Variants in PDLIM5 observed in about 807,000 individuals in gnomAD.
PDLIM5 encodes PDZ and LIM domain 5, also known as PDZ and LIM domain protein 5.
In PDLIM5, 34 loss-of-function variants were observed where a neutral mutation model predicts 64.2. The observed-to-expected ratio is 0.53, with a 90% confidence interval of 0.40 to 0.71. The LOEUF (loss-of-function observed/expected upper bound fraction) is 0.71. Ranked by LOEUF, PDLIM5 falls within the 30% of genes least tolerant of loss-of-function variation. The pLI is 0.00. For synonymous variants in PDLIM5, 253 were observed against 269.1 expected (o/e 0.94, Z 0.59); for missense variants, 683 against 733.6 (o/e 0.93, Z 0.80).
intron 2 of PDLIM5, among the ~76,000 whole-genome samples, chr4:94,465,602 G>T (rs888450747): frequency 6.6e-6 from 1 of 151,942 alleles, no homozygotes; most frequent in Non-Finnish European, 1.5e-5. Context: ...GTAGAGACGG[G>T]GTTTCACCAT....
intron 9 of PDLIM5, among the ~76,000 whole-genome samples, chr4:94,644,583 T>TG (rs1741257165): frequency 6.6e-6 from 1 of 151,560 alleles, no homozygotes; most frequent in Non-Finnish European, 1.5e-5. Context: ...TGGAGTGCAG[T>TG]GGTGCGATCT....
chr4:94,660,086 C>T (rs1209618722), intron 11 of PDLIM5, among the ~76,000 whole-genome samples: 3 of 151,718 alleles, frequency 2.0e-5, no homozygotes, highest in African/African-American at 4.8e-5. Flanking sequence ...TTAGTGGAGA[C>T]GGGGTTTCAC....
intron 2 of PDLIM5, among the ~76,000 whole-genome samples, chr4:94,497,177 A>G (rs1265492345): frequency 6.6e-6 from 1 of 152,178 alleles, no homozygotes; most frequent in East Asian, 1.9e-4. Flanking sequence ...ATCTATCTCA[A>G]AAGAAGGCAT....
intron 7 of PDLIM5, among the ~76,000 whole-genome samples, chr4:94,603,713 G>A (rs866397336): frequency 4.6e-5 from 7 of 152,134 alleles, no homozygotes; most frequent in African/African-American, 1.7e-4. Context: ...GAGTGTGCTG[G>A]GACTTTTTTC....
At chr4:94,641,288 T>C (rs1740983606) in intron 9 of PDLIM5, among the ~76,000 whole-genome samples, 1 of 152,198 alleles carries the variant, frequency 6.6e-6, no homozygotes, top group African/African-American at 2.4e-5. Context: ...TTGAATAAGG[T>C]TAAAACTTAA....
At chr4:94,533,144 G>A (rs1731042362) in intron 3 of PDLIM5, among the ~76,000 whole-genome samples, 2 of 152,048 alleles carry the variant, frequency 1.3e-5, no homozygotes, top group South Asian at 2.1e-4. Context: ...CAATTCAGTA[G>A]GCCTTAAAGA....
intron 3 of PDLIM5, among the ~76,000 whole-genome samples, chr4:94,527,064 T>TC (rs1306329978): frequency 1.5e-5 from 2 of 131,828 alleles, no homozygotes; most frequent in African/African-American, 3.0e-5. Context: ...TTTTTTTTTT[T>TC]TTTTTTTTTT....
At chr4:94,646,145 TAAG>T (rs1328687166) in intron 9 of PDLIM5, among the ~76,000 whole-genome samples, 1 of 152,168 alleles carries the variant, frequency 6.6e-6, no homozygotes, top group Non-Finnish European at 1.5e-5. Flanking sequence ...TCTTTTTTCT[TAAG>T]AAGGTTACTG....
intron 3 of PDLIM5, 138 bp from the exon 4 acceptor site, chr4:94,573,213 C>T: frequency 1.5e-6 from 1 of 663,998 alleles, no homozygotes; most frequent in South Asian, 2.0e-5. Context: ...ATAGTAAAAA[C>T]TATGAATTAT....
chr4:94,612,126 G>A (rs1482840115), intron 7 of PDLIM5, among the ~76,000 whole-genome samples: 8 of 152,140 alleles, frequency 5.3e-5, no homozygotes, highest in Admixed American at 5.2e-4. Context: ...GCTGAGGCAG[G>A]AGAATCACTT....
chr4:94,511,192 C>T (rs1728839537), intron 2 of PDLIM5, among the ~76,000 whole-genome samples: 1 of 152,198 alleles, frequency 6.6e-6, no homozygotes, highest in South Asian at 2.1e-4. Flanking sequence ...CTAAGGGTTG[C>T]AAGGGCATGG....
At chr4:94,537,126 T>A (rs1443279443) in intron 3 of PDLIM5, among the ~76,000 whole-genome samples, 1 of 152,008 alleles carries the variant, frequency 6.6e-6, no homozygotes, top group African/African-American at 2.4e-5. Context: ...CTTTCATTCA[T>A]TTTTTTTGTT....
At chr4:94,586,724 G>T (rs137896414) in intron 7 of PDLIM5, among the ~76,000 whole-genome samples, 7 of 152,274 alleles carry the variant, frequency 4.6e-5, no homozygotes, top group African/African-American at 1.4e-4. Flanking sequence ...ACATATGTCT[G>T]TGAATGAGCT....
intron 3 of PDLIM5, among the ~76,000 whole-genome samples, chr4:94,559,035 A>G (rs1301763564): frequency 1.3e-5 from 2 of 152,160 alleles, no homozygotes; most frequent in Non-Finnish European, 2.9e-5. Context: ...AAAATATAGG[A>G]TAAGGATTTT....
chr4:94,541,775 C>A (rs529772419), intron 3 of PDLIM5, among the ~76,000 whole-genome samples: 8 of 152,286 alleles, frequency 5.3e-5, no homozygotes, highest in African/African-American at 1.9e-4. Context: ...TGTCATCCAG[C>A]GCCTCCCCTG....
At chr4:94,643,341 A>G (rs573468175) in intron 9 of PDLIM5, among the ~76,000 whole-genome samples, 1 of 152,206 alleles carries the variant, frequency 6.6e-6, no homozygotes, top group Non-Finnish European at 1.5e-5. Flanking sequence ...TAAGTTTGCT[A>G]TGGGACATTT....
At chr4:94,577,307 G>A (rs572301334) in intron 5 of PDLIM5, 6 of 456,550 alleles carry the variant, frequency 1.3e-5, no homozygotes, top group African/African-American at 1.0e-4. Flanking sequence ...AAGAGGCTGT[G>A]CTTTCTGTAG....
At chr4:94,659,481 TA>T (rs1742481331) in intron 11 of PDLIM5, among the ~76,000 whole-genome samples, 1 of 100,830 alleles carries the variant, frequency 9.9e-6, no homozygotes, top group Non-Finnish European at 2.1e-5. Context: ...GCAGCTGTAG[TA>T]TATATGTGTG....
In PDLIM5 at chr4:94,664,227, T is replaced by G; in HGVS notation, c.*160T>G. ...TTAAAAACCAAGTCTGAGGAAATAT[T>G]TGGCTTCATAAAGTAAAGAGACGGT... On this transcript the variant is annotated 3_prime_UTR_variant, in exon 13 of 13. Coordinates refer to ENST00000317968, the MANE Select transcript of PDLIM5 (RefSeq NM_006457.5). The G allele has an allele frequency of 8.4e-7, 1 of 1,188,312 alleles. No individual in the cohort carries two copies. The highest frequency in any genetic ancestry group is 1.1e-6 in the Non-Finnish European group (1 of 948,086). 73.6% of individuals were successfully genotyped at this position (1,188,312 alleles called of 1,614,324 possible). A position where few individuals can be genotyped will look rare whatever the true frequency, so the allele number is the denominator to read the frequency against.
Sources: gnomAD v4.1 joint callset for allele counts (sites outside exome capture counted in the v4.1 genomes callset) on GRCh38, gnomAD v4.1.1 for gene constraint, MANE v1.5 for transcripts, NCBI Gene and HGNC (gene_info 2026-07-23, HGNC 2026-07-21) for gene names.